The following GRM8 variants were observed in gnomAD, a reference collection of about 807,000 sequenced individuals.
The protein encoded by GRM8 is metabotropic glutamate receptor 8.
In GRM8, 47 loss-of-function variants were observed where a neutral mutation model predicts 87.2. That is an observed-to-expected ratio of 0.54 (90% CI 0.43 to 0.69). The LOEUF (loss-of-function observed/expected upper bound fraction) is 0.69, where lower values mean the gene tolerates loss of function less well. Ranked by LOEUF, GRM8 falls within the 30% of genes least tolerant of loss-of-function variation. GRM8 has a pLI of 0.00. For synonymous variants in GRM8, 396 were observed against 404.5 expected, an observed-to-expected ratio of 0.98 and a Z score of 0.25; for missense variants, 1,019 against 1,139.2, an observed-to-expected ratio of 0.89 and a Z score of 1.52.
chr7:126,947,532 TTG>T (rs1345658917), intron 3 of GRM8, among the ~76,000 whole-genome samples: 3 of 151,938 alleles, frequency 2.0e-5, no homozygotes, highest in Admixed American at 6.6e-5. Flanking sequence ...TGTATATATA[TTG>T]TATATATATG....
chr7:126,971,049 G>T (rs1305280028), intron 3 of GRM8, among the ~76,000 whole-genome samples: 1 of 150,260 alleles, frequency 6.7e-6, no homozygotes, highest in African/African-American at 2.5e-5. Flanking sequence ...TTGAAATATC[G>T]GGAAAATTAC....
chr7:126,491,783 A>T (rs923644819), intron 9 of GRM8, among the ~76,000 whole-genome samples: 3 of 152,126 alleles, frequency 2.0e-5, no homozygotes, highest in Admixed American at 1.3e-4. Flanking sequence ...TAGCAATATA[A>T]GAAAATAATG....
chr7:126,516,961 A>G lies in GRM8; in HGVS notation c.2430+15991T>C, dbSNP rs572737404. On this transcript the variant is annotated intron_variant, in intron 9 of 10. Transcript: ENST00000339582. ...GTTATTAGAGTGTGGAGAATAGAAA[A>G]AAAAGTCTTATAAACAAATCATGTT... Among the ~76,000 whole-genome samples the G allele has an allele frequency of 1.4e-4, 21 of 152,226 alleles. No homozygotes were observed. The South Asian group carries it at 4.3e-3, about 32-fold the overall frequency.
At chr7:127,128,975 T>G (rs1016268896) in intron 2 of GRM8, among the ~76,000 whole-genome samples, 3 of 152,136 alleles carry the variant, frequency 2.0e-5, no homozygotes, top group Non-Finnish European at 4.4e-5. Flanking sequence ...CAAAACCACA[T>G]GAATTAAGGT....
At chr7:126,714,263 G>A (rs781090979) in intron 7 of GRM8, among the ~76,000 whole-genome samples, 1 of 145,110 alleles carries the variant, frequency 6.9e-6, no homozygotes, top group Non-Finnish European at 1.5e-5. Flanking sequence ...GGGTGACAGA[G>A]CAAGACTCCA....
chr7:126,644,641 A>G (rs1256571544), intron 7 of GRM8, among the ~76,000 whole-genome samples: 3 of 152,202 alleles, frequency 2.0e-5, no homozygotes, highest in Non-Finnish European at 4.4e-5. Context: ...CAAGTATTAT[A>G]TGATATAACC....
intron 6 of GRM8, among the ~76,000 whole-genome samples, chr7:126,841,773 G>C (rs763466299): frequency 6.6e-6 from 1 of 151,516 alleles, no homozygotes; most frequent in South Asian, 2.1e-4. Context: ...GACTACAGGC[G>C]CCCCCACCAA....
At chr7:127,187,449 C>T (rs1310065094) in intron 2 of GRM8, among the ~76,000 whole-genome samples, 1 of 152,142 alleles carries the variant, frequency 6.6e-6, no homozygotes, top group Non-Finnish European at 1.5e-5. Context: ...AACTGCATGT[C>T]TGTCTGCATA....
rs1817477162 is a variant in GRM8, at chr7:126,548,961, AAGGAAGAC to A, written c.1495-15082_1495-15075del. Among the ~76,000 whole-genome samples the A allele has an allele frequency of 2.0e-5, 3 of 152,208 alleles. No homozygotes were observed. The South Asian group carries it at 6.2e-4, about 31-fold the overall frequency. Reference sequence around the variant, plus strand: ...TGAAAAGTTAAGAAACCTAACTGAAAAGGAAGACAGATAAGAAACAAAGTAGGGAGAGC... The same window carrying A: ...TGAAAAGTTAAGAAACCTAACTGAAAAGATAAGAAACAAAGTAGGGAGAGC... On this transcript the variant is annotated intron_variant, in intron 8 of 10. Transcript: ENST00000339582.
chr7:127,230,877 A>G lies in GRM8; in HGVS notation c.510+11818T>C, dbSNP rs1797647451. 2.0e-5 allele frequency among the ~76,000 whole-genome samples: 3 copies of G among 152,182 alleles called. No homozygotes were observed. The South Asian group carries it at 6.2e-4, about 31-fold the overall frequency. ...CTAAGGTATTCTGTTGCAGCAGCCT[A>G]TAACAGAGCTGATTGAGAAACCTTG... is the stretch of plus-strand genomic sequence containing the variant. On this transcript the variant is annotated intron_variant, in intron 2 of 10. Coordinates refer to ENST00000339582, the MANE Select transcript of GRM8 (RefSeq NM_000845.3).
chr7:127,126,990 C>T (rs950178279), intron 2 of GRM8, among the ~76,000 whole-genome samples: 1 of 151,908 alleles, frequency 6.6e-6, no homozygotes, highest in East Asian at 1.9e-4. Flanking sequence ...TCATATTACT[C>T]TTCAGGGAAA....
intron 6 of GRM8, among the ~76,000 whole-genome samples, chr7:126,811,083 C>T (rs986399299): frequency 1.2e-4 from 18 of 152,056 alleles, no homozygotes; most frequent in African/African-American, 2.7e-4. Context: ...CATTCTTCTG[C>T]GTATGGCTAT....
At chr7:126,711,603 G>T (rs1400328637) in intron 7 of GRM8, among the ~76,000 whole-genome samples, 4 of 152,182 alleles carry the variant, frequency 2.6e-5, no homozygotes, top group African/African-American at 9.6e-5. Context: ...TTGAGGCCAG[G>T]CATTGACTTC....
At chr7:126,615,447 T>C (rs988544275) in intron 7 of GRM8, among the ~76,000 whole-genome samples, 3 of 152,190 alleles carry the variant, frequency 2.0e-5, no homozygotes, top group Non-Finnish European at 4.4e-5. Flanking sequence ...CCATCAAGGC[T>C]AGGAAGAAAC....
At chr7:126,572,321 A>AT (rs1335591304) in intron 8 of GRM8, among the ~76,000 whole-genome samples, 11 of 152,286 alleles carry the variant, frequency 7.2e-5, no homozygotes, top group African/African-American at 2.6e-4. Flanking sequence ...GGTTAAGAGA[A>AT]TTCCAAAAAA....
rs139639864 is a variant in GRM8 at position 127,032,091 on chromosome 7, T to C, written c.727+74405A>G. On this transcript the variant is annotated intron_variant, in intron 3 of 10. Transcript: ENST00000339582. ...GTCTTTCTTTTCTCCATATCTATCCTATCACACCATCATGTCCAAGTGGTG... is the reference window on the plus strand; with the variant it reads ...GTCTTTCTTTTCTCCATATCTATCCCATCACACCATCATGTCCAAGTGGTG... Among the ~76,000 whole-genome samples the C allele has an allele frequency of 2.3e-3, 348 of 152,300 alleles. 4 individuals carry two copies. The highest frequency in any genetic ancestry group is 8.1e-3 in the African/African-American group (335 of 41,576).
intron 6 of GRM8, among the ~76,000 whole-genome samples, chr7:126,796,819 C>G (rs996595722): frequency 2.6e-5 from 4 of 151,988 alleles, no homozygotes; most frequent in Non-Finnish European, 5.9e-5. Context: ...TATCATTATT[C>G]CCAGAAACAA....
intron 6 of GRM8, among the ~76,000 whole-genome samples, chr7:126,817,380 G>A (rs1173934590): frequency 6.6e-6 from 1 of 151,968 alleles, no homozygotes; most frequent in Admixed American, 6.6e-5. Context: ...GTACAGTGAA[G>A]GAATTACAAT....
At chr7:126,647,132 G>T (rs58074196) in intron 7 of GRM8, among the ~76,000 whole-genome samples, 46,750 of 151,818 alleles carry the variant, frequency 0.31, 8,067 homozygotes, top group East Asian at 0.43. Context: ...TGGTGCATGC[G>T]TGCAGTCCCA....
Sources: gnomAD v4.1 joint callset for allele counts (sites outside exome capture counted in the v4.1 genomes callset) on GRCh38, gnomAD v4.1.1 for gene constraint, MANE v1.5 for transcripts, NCBI Gene and HGNC (gene_info 2026-07-23, HGNC 2026-07-21) for gene names.